CDH12: variants seen among roughly 807,000 people sequenced by gnomAD.
CDH12 encodes cadherin 12, also known as cadherin-12.
In CDH12, 41 loss-of-function variants were observed where a neutral mutation model predicts 74.1. That is an observed-to-expected ratio of 0.55 (90% CI 0.43 to 0.72). The LOEUF (loss-of-function observed/expected upper bound fraction) is 0.72, where lower values mean the gene tolerates loss of function less well. Among genes scored for constraint, CDH12 ranks in the 30% least tolerant of loss-of-function variants. The probability of loss-of-function intolerance (pLI) is 0.00; values close to 1 mark genes in which losing one functional copy is unlikely to be tolerated. For synonymous variants in CDH12, 399 were observed against 355.0 expected, an observed-to-expected ratio of 1.12 and a Z score of -1.39; for missense variants, 945 against 977.2, an observed-to-expected ratio of 0.97 and a Z score of 0.44.
At chr5:21,774,684 G>T (rs894895046) in intron 11 of CDH12, among the ~76,000 whole-genome samples, 2 of 152,082 alleles carry the variant, frequency 1.3e-5, no homozygotes, top group Non-Finnish European at 2.9e-5. Flanking sequence ...TTGGGAAAAA[G>T]AAAGGAAATT....
At chr5:22,696,370 CAA>C (rs1313736569) in intron 1 of CDH12, among the ~76,000 whole-genome samples, 9 of 96,544 alleles carry the variant, frequency 9.3e-5, no homozygotes, top group African/African-American at 1.8e-4. Context: ...GACTCCGTCT[CAA>C]AAAAAAAAAA....
intron 2 of CDH12, among the ~76,000 whole-genome samples, chr5:22,413,440 A>T (rs1743245015): frequency 6.6e-6 from 1 of 152,032 alleles, no homozygotes. Flanking sequence ...AAAATGCCAC[A>T]AAACTGTTAA....
chr5:22,692,068 A>G (rs1742112576), intron 1 of CDH12, among the ~76,000 whole-genome samples: 1 of 152,152 alleles, frequency 6.6e-6, no homozygotes, highest in Non-Finnish European at 1.5e-5. Context: ...TGTTTGGGTC[A>G]TGGGGTCGAA....
intron 3 of CDH12, among the ~76,000 whole-genome samples, chr5:22,340,060 A>C (rs1489081033): frequency 5.3e-5 from 8 of 152,178 alleles, no homozygotes. Flanking sequence ...AATTCAATTT[A>C]ATCTGGATAA....
At chr5:21,872,384 C>T (rs1032542229) in intron 6 of CDH12, among the ~76,000 whole-genome samples, 6 of 152,172 alleles carry the variant, frequency 3.9e-5, no homozygotes, top group Non-Finnish European at 8.8e-5. Flanking sequence ...CAGCTGTGTG[C>T]CAAGAATTCT....
At chr5:22,122,966 T>C (rs1352472019) in intron 4 of CDH12, among the ~76,000 whole-genome samples, 1 of 152,216 alleles carries the variant, frequency 6.6e-6, no homozygotes, top group African/African-American at 2.4e-5. Context: ...ATTGGCTCTC[T>C]TGGGTCTCTA....
chr5:22,527,993 T>C (rs183073550), intron 1 of CDH12, among the ~76,000 whole-genome samples: 1 of 152,130 alleles, frequency 6.6e-6, no homozygotes, highest in Admixed American at 6.6e-5. Context: ...CATTTCCACA[T>C]GTTTCCTGGA....
At chr5:22,239,241 C>T (rs1451957729) in intron 3 of CDH12, among the ~76,000 whole-genome samples, 1 of 152,074 alleles carries the variant, frequency 6.6e-6, no homozygotes, top group East Asian at 1.9e-4. Context: ...TCTGGAAACT[C>T]CAGGGAAATT....
rs141427535 is a variant in CDH12 at position 22,566,529 on chromosome 5, C to T, written c.-522-61165G>A. On this transcript the variant is annotated intron_variant, in intron 1 of 14. Coordinates refer to ENST00000382254, the MANE Select transcript of CDH12 (RefSeq NM_004061.5). ...CTGGGATTACAGGTATGAGCCACCG[C>T]GCCCAGCTACTATGTGTCTTTTAAT... Among the ~76,000 whole-genome samples the T allele has an allele frequency of 2.7e-3, 418 of 152,146 alleles. 3 individuals carry two copies. The highest frequency in any genetic ancestry group is 9.2e-3 in the African/African-American group (381 of 41,550).
chr5:22,524,492 A>G (rs1279501292), intron 1 of CDH12, among the ~76,000 whole-genome samples: 2 of 152,214 alleles, frequency 1.3e-5, no homozygotes, highest in African/African-American at 4.8e-5. Context: ...CCAAGCACTG[A>G]AACTGTACAC....
chr5:22,061,776 G>T (rs956568299), intron 5 of CDH12, among the ~76,000 whole-genome samples: 8 of 152,150 alleles, frequency 5.3e-5, no homozygotes, highest in Non-Finnish European at 1.2e-4. Flanking sequence ...ATTGTACTGT[G>T]TGGTTGGTGA....
chr5:21,888,538 T>C (rs7711267), intron 6 of CDH12, among the ~76,000 whole-genome samples: 2,234 of 152,194 alleles, frequency 0.015, 61 homozygotes, highest in African/African-American at 0.051. Flanking sequence ...CATGTATACA[T>C]ATGTAACAAA....
At chr5:22,810,424 A>G (rs934226302) in intron 1 of CDH12, among the ~76,000 whole-genome samples, 3 of 151,324 alleles carry the variant, frequency 2.0e-5, no homozygotes, top group African/African-American at 7.3e-5. Flanking sequence ...TTCTCACATC[A>G]TTTTTTTTTA....
At chr5:22,326,532 G>A (rs994194380) in intron 3 of CDH12, among the ~76,000 whole-genome samples, 2 of 152,182 alleles carry the variant, frequency 1.3e-5, no homozygotes, top group African/African-American at 4.8e-5. Flanking sequence ...ACCGCGCCCG[G>A]CCTCCAGGTT....
intron 8 of CDH12, among the ~76,000 whole-genome samples, chr5:21,828,837 T>C (rs1025853574): frequency 1.3e-5 from 2 of 152,142 alleles, no homozygotes; most frequent in African/African-American, 4.8e-5. Context: ...TTTGATGATT[T>C]TTTTTTCCTT....
At position 21,975,193 on chromosome 5, in the gene CDH12, G is replaced by A. The variant is rs1359062299; in HGVS notation, c.424C>T (p.Pro142Ser). Residue 142 changes from proline to serine, a missense_variant, in exon 6 of 15, where the codon CCT (proline) becomes TCT (serine). This residue lies in a region of CDH12 where 6 missense variants were observed against 21.7 expected (regional missense o/e 0.28). Transcript: ENST00000382254. The stretch of plus-strand genomic sequence containing the variant: ...ACTTTGATGATGAATTCTGATTCAG[G>A]CTCCAGGGGCTTTCTGGTTTCTATG... Reference protein sequence around the residue: ...VDIETRKPLEPESEFIIKVQD... With the variant: ...VDIETRKPLESESEFIIKVQD... 6.3e-7 allele frequency: 1 copy of A among 1,596,824 alleles called. No individual in the cohort carries two copies. The highest frequency in any genetic ancestry group is 1.1e-5 in the South Asian group (1 of 90,972).
chr5:22,718,131 A>C lies in CDH12; in HGVS notation c.-523+134927T>G, dbSNP rs549073951. On this transcript the variant is annotated intron_variant, in intron 1 of 14. Transcript: ENST00000382254. ...AATTACTCAAATTCATCAAATGCTC[A>C]ATTATCATTTCCTGAAAAGAACATC... Among the ~76,000 whole-genome samples the C allele has an allele frequency of 2.6e-5, 4 of 152,344 alleles. No homozygotes were observed. The East Asian group carries it at 7.7e-4, about 29-fold the overall frequency.
chr5:22,549,811 C>T (rs1738488988), intron 1 of CDH12, among the ~76,000 whole-genome samples: 1 of 152,140 alleles, frequency 6.6e-6, no homozygotes. Context: ...TACAGAAGAG[C>T]AAACAGCTGA....
chr5:21,994,704 T>C (rs1320515032), intron 5 of CDH12, among the ~76,000 whole-genome samples: 2 of 152,192 alleles, frequency 1.3e-5, no homozygotes, highest in Non-Finnish European at 2.9e-5. Context: ...AATTGAGAGG[T>C]GAAGCCGGCT....
Sources: allele counts gnomAD v4.1 joint callset (sites outside exome capture counted in the v4.1 genomes callset), GRCh38; gene constraint gnomAD v4.1.1; regional missense constraint gnomAD v4.1.1; transcripts MANE v1.5; gene names NCBI Gene and HGNC (gene_info 2026-07-23, HGNC 2026-07-21).